Variants in SLC35F3 observed in about 807,000 individuals in gnomAD.
SLC35F3 encodes the protein solute carrier family 35 member F3, also known as putative thiamine transporter SLC35F3.
Under a neutral mutation model 49.9 loss-of-function variants are expected in SLC35F3, and 25 were observed. That is an observed-to-expected ratio of 0.50 (90% CI 0.37 to 0.70). The LOEUF is 0.70. SLC35F3 is among the 30% of genes least tolerant of loss of function. The probability of loss-of-function intolerance (pLI) is 0.00; values close to 1 mark genes in which losing one functional copy is unlikely to be tolerated. For synonymous variants in SLC35F3, 275 were observed against 265.4 expected (o/e 1.04, Z -0.35); for missense variants, 525 against 639.8 (o/e 0.82, Z 1.94).
At chr1:233,979,561 G>A (rs1449368219) in intron 2 of SLC35F3, among the ~76,000 whole-genome samples, 5 of 152,186 alleles carry the variant, frequency 3.3e-5, no homozygotes, top group Admixed American at 2.6e-4. Flanking sequence ...CGTGTGCTCT[G>A]TGGATAGATA....
At chr1:234,130,018 A>C (rs1432282414) in intron 2 of SLC35F3, among the ~76,000 whole-genome samples, 2 of 152,212 alleles carry the variant, frequency 1.3e-5, no homozygotes, top group Non-Finnish European at 2.9e-5. Context: ...AAACAGTGTA[A>C]GAAAGTAGTA....
At chr1:233,976,977 C>T (rs1183225450) in intron 2 of SLC35F3, among the ~76,000 whole-genome samples, 1 of 152,210 alleles carries the variant, frequency 6.6e-6, no homozygotes, top group Non-Finnish European at 1.5e-5. Flanking sequence ...CAATTGCTCT[C>T]ACTGTGGGTT....
intron 2 of SLC35F3, among the ~76,000 whole-genome samples, chr1:234,108,627 T>TATATATTTATATATAAAAGATAC (rs1346834807): frequency 0.013 from 1,454 of 112,410 alleles, 71 homozygotes; most frequent in African/African-American, 0.033. Flanking sequence ...ATAAAAGATA[T>TATATATTTATATATAAAAGATAC]ATATATTTAT....
rs59282963 is a variant in SLC35F3, at chr1:234,275,792, ATG to A, written c.609-33308_609-33307del. On this transcript the variant is annotated intron_variant, in intron 3 of 7. Transcript: ENST00000366618. ...TATATATATATATATAGCACAGAAG[ATG>A]CTGCTGCTGCTGCTGCTAGCTAACA... 2.7e-3 allele frequency among the ~76,000 whole-genome samples: 405 copies of A among 151,206 alleles called. 13 individuals are homozygous for A. The East Asian group carries it at 0.063, about 24-fold the overall frequency.
intron 3 of SLC35F3, among the ~76,000 whole-genome samples, chr1:234,301,007 G>T (rs1401995144): frequency 1.3e-5 from 2 of 152,232 alleles, no homozygotes; most frequent in Non-Finnish European, 2.9e-5. Flanking sequence ...TTAAGTATCT[G>T]GCCTGGGTAG....
rs916552992 is a variant in SLC35F3 at position 234,311,216 on chromosome 1, TCTC to T, written c.828+1897_828+1899del. Among the ~76,000 whole-genome samples, 226 of 152,314 alleles carry T rather than the reference TCTC, an allele frequency of 1.5e-3. 2 individuals carry two copies. Among genetic ancestry groups the T allele is most frequent in the African/African-American group, 5.2e-3 (216 of 41,556 alleles). Reference sequence around the variant, plus strand: ...CACAGGTTGTGTTGGAACTCCCTCTTCTCTTCTTCAGGAGTTCAGAGAGCTAGC... The same window carrying T: ...CACAGGTTGTGTTGGAACTCCCTCTTTTCTTCAGGAGTTCAGAGAGCTAGC... On this transcript the variant is annotated intron_variant, in intron 4 of 7. Transcript: ENST00000366618.
intron 2 of SLC35F3, among the ~76,000 whole-genome samples, chr1:233,945,551 A>C (rs753653811): frequency 6.6e-6 from 1 of 152,120 alleles, no homozygotes; most frequent in Non-Finnish European, 1.5e-5. Context: ...TTTTGAGCAA[A>C]TTGTTCAGGT....
intron 2 of SLC35F3, among the ~76,000 whole-genome samples, chr1:233,908,082 TAA>T (rs1661805112): frequency 6.6e-6 from 1 of 152,046 alleles, no homozygotes; most frequent in East Asian, 1.9e-4. Flanking sequence ...CAATTGATAA[TAA>T]TAAAGAGGCT....
chr1:234,005,985 A>G (rs1663625136), intron 2 of SLC35F3, among the ~76,000 whole-genome samples: 1 of 152,172 alleles, frequency 6.6e-6, no homozygotes, highest in South Asian at 2.1e-4. Flanking sequence ...GACTTAGATA[A>G]TGTTTATGGT....
intron 3 of SLC35F3, among the ~76,000 whole-genome samples, chr1:234,232,560 A>AGAAAT (rs1491541711): frequency 6.6e-6 from 1 of 151,746 alleles, no homozygotes; most frequent in Non-Finnish European, 1.5e-5. Context: ...AAAAAGAAAC[A>AGAAAT]GAAATGAATG....
Position 234,291,913 on chromosome 1 carries a change from GCACCAGA to G in SLC35F3, c.609-17186_609-17180del, listed in dbSNP as rs1425094910. ...TTGGTGTGCAGAAGACAAAAAAGAA[GCACCAGA>G]CTGAGATGGGATGAGAGTAACGGGA... On this transcript the variant is annotated intron_variant, in intron 3 of 7. Coordinates refer to ENST00000366618, the MANE Select transcript of SLC35F3 (RefSeq NM_173508.4). Among the ~76,000 whole-genome samples, 5 of 152,322 alleles carry G rather than the reference GCACCAGA, an allele frequency of 3.3e-5. No homozygotes were observed. The East Asian group carries it at 9.6e-4, about 29-fold the overall frequency.
At chr1:234,153,630 G>A (rs905221255) in intron 2 of SLC35F3, among the ~76,000 whole-genome samples, 2 of 152,068 alleles carry the variant, frequency 1.3e-5, no homozygotes, top group East Asian at 1.9e-4. Flanking sequence ...TGGTGTCTTT[G>A]AAAACTCACA....
At chr1:234,226,961 G>A (rs1194094926) in intron 2 of SLC35F3, among the ~76,000 whole-genome samples, 3 of 148,638 alleles carry the variant, frequency 2.0e-5, no homozygotes, top group Admixed American at 6.7e-5. Context: ...GCGCACGCGT[G>A]CACACACACA....
At chr1:233,993,297 T>A (rs565004095) in intron 2 of SLC35F3, among the ~76,000 whole-genome samples, 1 of 152,096 alleles carries the variant, frequency 6.6e-6, no homozygotes, top group Non-Finnish European at 1.5e-5. Flanking sequence ...TCAGTGAGCA[T>A]GAGATGGTCA....
intron 2 of SLC35F3, among the ~76,000 whole-genome samples, chr1:233,992,515 A>C (rs962138610): frequency 3.3e-5 from 5 of 152,164 alleles, no homozygotes; most frequent in African/African-American, 1.2e-4. Flanking sequence ...CTTAGGAACT[A>C]ATCTGTTCCC....
chr1:234,096,679 T>C (rs1433394497), intron 2 of SLC35F3, among the ~76,000 whole-genome samples: 1 of 152,064 alleles, frequency 6.6e-6, no homozygotes, highest in Non-Finnish European at 1.5e-5. Flanking sequence ...TCTGAAAATA[T>C]AGTATAGGCT....
At chr1:234,307,274 G>A (rs1657221472) in intron 3 of SLC35F3, among the ~76,000 whole-genome samples, 1 of 152,190 alleles carries the variant, frequency 6.6e-6, no homozygotes, top group Admixed American at 6.5e-5. Flanking sequence ...GATAAATTTA[G>A]TGAAGTGAAT....
intron 2 of SLC35F3, among the ~76,000 whole-genome samples, chr1:234,079,006 C>G (rs1195906488): frequency 6.6e-6 from 1 of 152,162 alleles, no homozygotes; most frequent in East Asian, 1.9e-4. Context: ...ACAAGGGACA[C>G]TGAAAAGCCT....
intron 2 of SLC35F3, among the ~76,000 whole-genome samples, chr1:234,157,493 T>TA (rs150742162): frequency 0.04 from 6,007 of 151,968 alleles, 386 homozygotes; most frequent in African/African-American, 0.14. Context: ...TATTAATAAT[T>TA]AAAAAAAAGA....
Sources: gnomAD v4.1 joint callset for allele counts (sites outside exome capture counted in the v4.1 genomes callset) on GRCh38, gnomAD v4.1.1 for gene constraint, MANE v1.5 for transcripts, NCBI Gene and HGNC (gene_info 2026-07-23, HGNC 2026-07-21) for gene names.